Variants in MB21D2 observed in about 807,000 individuals in gnomAD.
MB21D2 encodes the protein Mab-21 domain containing 2, also known as nucleotidyltransferase MB21D2.
MB21D2 carries 9 observed loss-of-function variants against 33.3 expected under a neutral mutation model. The observed-to-expected ratio is 0.27, with a 90% CI of 0.16 to 0.47. The LOEUF (loss-of-function observed/expected upper bound fraction) is 0.47, where lower values mean the gene tolerates loss of function less well. MB21D2 is among the 20% of genes least tolerant of loss of function. MB21D2 has a pLI of 0.99. For missense variants in MB21D2, 540 were observed against 624.6 expected, an observed-to-expected ratio of 0.86 and a Z score of 1.44; for synonymous variants, 241 against 236.3, an observed-to-expected ratio of 1.02 and a Z score of -0.18.
intron 1 of MB21D2, among the ~76,000 whole-genome samples, chr3:192,835,274 G>A (rs1026301473): frequency 1.3e-5 from 2 of 149,976 alleles, no homozygotes; most frequent in Non-Finnish European, 3.0e-5. Flanking sequence ...CTAGCACGGT[G>A]AAACACCGTC....
At chr3:192,906,019 G>T (rs575904851) in intron 1 of MB21D2, among the ~76,000 whole-genome samples, 2 of 152,184 alleles carry the variant, frequency 1.3e-5, no homozygotes, top group Admixed American at 1.3e-4. Context: ...TACTTCCTAG[G>T]GTTGCTGAGG....
At chr3:192,908,587 G>C (rs544520543) in intron 1 of MB21D2, among the ~76,000 whole-genome samples, 37 of 151,530 alleles carry the variant, frequency 2.4e-4, no homozygotes, top group African/African-American at 8.2e-4. Flanking sequence ...CTAATGTTTC[G>C]TATTTTTTTT....
At chr3:192,890,168 C>T (rs560467737) in intron 1 of MB21D2, among the ~76,000 whole-genome samples, 2 of 152,170 alleles carry the variant, frequency 1.3e-5, no homozygotes, top group East Asian at 3.9e-4. Context: ...TGGAGCATGT[C>T]CCTGCTTCCC....
At chr3:192,837,534 C>T (rs1215293153) in intron 1 of MB21D2, among the ~76,000 whole-genome samples, 1 of 152,142 alleles carries the variant, frequency 6.6e-6, no homozygotes, top group African/African-American at 2.4e-5. Flanking sequence ...AAGATGAGCT[C>T]CTGGGAGAGA....
intron 1 of MB21D2, among the ~76,000 whole-genome samples, chr3:192,815,897 G>A (rs150422755): frequency 4.6e-5 from 7 of 152,174 alleles, no homozygotes; most frequent in African/African-American, 1.2e-4. Flanking sequence ...ATCACCAGCC[G>A]AATCCTTAAG....
chr3:192,857,538 T>A (rs1399337191), intron 1 of MB21D2, among the ~76,000 whole-genome samples: 2 of 152,156 alleles, frequency 1.3e-5, no homozygotes, highest in African/African-American at 4.8e-5. Flanking sequence ...TTCTATCCCT[T>A]TCAGCGTGCG....
At chr3:192,813,695 C>T (rs926607026) in intron 1 of MB21D2, among the ~76,000 whole-genome samples, 2 of 152,118 alleles carry the variant, frequency 1.3e-5, no homozygotes, top group African/African-American at 4.8e-5. Flanking sequence ...AAAGTATCCA[C>T]CTAGTTCTCC....
intron 1 of MB21D2, among the ~76,000 whole-genome samples, chr3:192,851,491 G>GTTTT (rs34763701): frequency 6.6e-4 from 64 of 97,576 alleles, no homozygotes; most frequent in African/African-American, 8.0e-4. Flanking sequence ...TTTTTTGTCT[G>GTTTT]TTTTTTTTTT....
intron 1 of MB21D2, among the ~76,000 whole-genome samples, chr3:192,858,898 G>C (rs1712976397): frequency 6.6e-6 from 1 of 152,166 alleles, no homozygotes; most frequent in South Asian, 2.1e-4. Context: ...CTGTGAGCTG[G>C]AACCATCCAC....
chr3:192,836,609 C>A (rs965658573), intron 1 of MB21D2, among the ~76,000 whole-genome samples: 1 of 152,140 alleles, frequency 6.6e-6, no homozygotes, highest in Non-Finnish European at 1.5e-5. Flanking sequence ...GTCTGCAAGC[C>A]ACGGAGAGGG....
intron 1 of MB21D2, among the ~76,000 whole-genome samples, chr3:192,856,351 T>A (rs1026315380): frequency 7.2e-5 from 11 of 152,196 alleles, no homozygotes; most frequent in Non-Finnish European, 1.2e-4. Context: ...TTCACTACTC[T>A]AAATCTCAGT....
chr3:192,858,499 C>T (rs763762471), intron 1 of MB21D2, among the ~76,000 whole-genome samples: 2 of 152,196 alleles, frequency 1.3e-5, no homozygotes, highest in Non-Finnish European at 2.9e-5. Flanking sequence ...ACGGACCATG[C>T]AAACGACAAA....
intron 1 of MB21D2, among the ~76,000 whole-genome samples, chr3:192,893,071 C>T (rs1343790471): frequency 1.1e-4 from 16 of 152,146 alleles, no homozygotes; most frequent in Admixed American, 9.2e-4. Context: ...CCTTCCAAGA[C>T]GCAGTTACAT....
intron 1 of MB21D2, among the ~76,000 whole-genome samples, chr3:192,822,695 C>G (rs1000700217): frequency 4.6e-5 from 7 of 152,182 alleles, no homozygotes; most frequent in Admixed American, 4.6e-4. Flanking sequence ...AAATATTCCA[C>G]TGATCACATT....
At chr3:192,804,407 T>C (rs1711618882) in intron 1 of MB21D2, among the ~76,000 whole-genome samples, 2 of 143,742 alleles carry the variant, frequency 1.4e-5, no homozygotes, top group South Asian at 2.3e-4. Flanking sequence ...AGTACCTGTA[T>C]AGACTTCTTT....
chr3:192,853,450 C>A (rs1712850180), intron 1 of MB21D2, among the ~76,000 whole-genome samples: 1 of 152,190 alleles, frequency 6.6e-6, no homozygotes, highest in South Asian at 2.1e-4. Flanking sequence ...ATCTATAATG[C>A]CTTACTGTGC....
Position 192,917,822 on chromosome 3 carries a change from T to A in MB21D2, c.19A>T (p.Thr7Ser). Residue 7 changes from threonine (T) to serine (S), a missense_variant, in exon 1 of 2, where the codon ACC (threonine) becomes TCC (serine). Thr to Ser is a moderately conservative substitution (Grantham distance 58). Transcript: ENST00000392452. ...CCCAGGGAGGCTGCCTTGTTGGCGG[T>A]GGGAGCCGCCATCTTCATGCAAAAC... MKMAAP[T>S]ANKAASLGCN... 6.2e-7 allele frequency: 1 copy of A among 1,610,378 alleles called. No homozygotes were observed. Among genetic ancestry groups the A allele is most frequent in the African/African-American group, 1.3e-5 (1 of 74,968 alleles).
intron 1 of MB21D2, among the ~76,000 whole-genome samples, chr3:192,814,297 C>T (rs1404752192): frequency 6.6e-6 from 1 of 151,098 alleles, no homozygotes; most frequent in African/African-American, 2.4e-5. Context: ...CCAAGGACAA[C>T]AGACATGAAA....
intron 1 of MB21D2, among the ~76,000 whole-genome samples, chr3:192,808,516 ATG>A (rs1711714105): frequency 6.6e-6 from 1 of 152,194 alleles, no homozygotes; most frequent in African/African-American, 2.4e-5. Flanking sequence ...TTTCAGTGTA[ATG>A]TTGTAAAGTC....
Sources: allele counts gnomAD v4.1 joint callset (sites outside exome capture counted in the v4.1 genomes callset), GRCh38; gene constraint gnomAD v4.1.1; transcripts MANE v1.5; gene names NCBI Gene and HGNC (gene_info 2026-07-23, HGNC 2026-07-21).